Variants in GLI3 observed in about 807,000 individuals in gnomAD.
The protein encoded by GLI3 is GLI family zinc finger 3, also known as transcription activator GLI3.
In GLI3, 20 loss-of-function variants were observed where a neutral mutation model predicts 100.8. The ratio of observed to expected loss-of-function variants is 0.20; its 90% CI spans 0.14 to 0.29. The LOEUF (loss-of-function observed/expected upper bound fraction) is 0.29. Ranked by LOEUF, GLI3 falls within the 10% of genes least tolerant of loss-of-function variation. GLI3 has a pLI of 1.00. For missense variants in GLI3, 2,040 were observed against 2,128.5 expected (o/e 0.96, Z 0.82); for synonymous variants, 938 against 860.5 (o/e 1.09, Z -1.58).
chr7:41,967,550 A>AG (rs745833468), intron 14 of GLI3, 46 bp downstream of exon 14: 1 of 1,371,972 alleles, frequency 7.3e-7, no homozygotes, highest in African/African-American at 1.5e-5. Flanking sequence ...TTAAAAGAAC[A>AG]GAAAAAAAAA....
At chr7:42,037,040 C>A (rs1789461973) in intron 7 of GLI3, among the ~76,000 whole-genome samples, 1 of 152,124 alleles carries the variant, frequency 6.6e-6, no homozygotes, top group Non-Finnish European at 1.5e-5. Context: ...TATCGGGAGG[C>A]TGAGGCAGAA....
At chr7:42,135,832 C>T (rs1018739021) in intron 3 of GLI3, among the ~76,000 whole-genome samples, 4 of 152,090 alleles carry the variant, frequency 2.6e-5, no homozygotes, top group Admixed American at 2.6e-4. Context: ...TGTTGGATAC[C>T]AAGATGCCTT....
Position 41,962,073 on chromosome 7 carries a change from T to A in GLI3, c.*2257A>T, listed in dbSNP as rs886062316. The stretch of plus-strand genomic sequence containing the variant: ...AAGACAACAACAGTGGTGGGCCGGA[T>A]CACTGTGCATCCCTCCAGGAAGGAC... On this transcript the variant is annotated 3_prime_UTR_variant, in exon 15 of 15. Transcript: ENST00000395925. 4 of 151,930 alleles carry A rather than the reference T, an allele frequency of 2.6e-5. No individual in the cohort carries two copies. The East Asian group carries it at 7.7e-4, about 29-fold the overall frequency. 9.4% of individuals were successfully genotyped at this position (151,930 alleles called of 1,614,324 possible).
At chr7:42,127,862 A>T (rs1370607699) in intron 3 of GLI3, among the ~76,000 whole-genome samples, 1 of 151,980 alleles carries the variant, frequency 6.6e-6, no homozygotes, top group Non-Finnish European at 1.5e-5. Context: ...ATACAAAATT[A>T]TTAGCCAGGT....
intron 10 of GLI3, among the ~76,000 whole-genome samples, chr7:42,008,811 G>C (rs1788530172): frequency 6.6e-6 from 1 of 152,188 alleles, no homozygotes; most frequent in Non-Finnish European, 1.5e-5. Flanking sequence ...AACTATCTTT[G>C]TCTTGTAATA....
chr7:42,080,561 T>C (rs1784976275), intron 3 of GLI3, among the ~76,000 whole-genome samples: 1 of 152,176 alleles, frequency 6.6e-6, no homozygotes, highest in South Asian at 2.1e-4. Flanking sequence ...TGGTTATTAG[T>C]AGAAATCACA....
intron 3 of GLI3, among the ~76,000 whole-genome samples, chr7:42,141,021 G>T (rs971256066): frequency 2.6e-5 from 4 of 152,166 alleles, no homozygotes; most frequent in African/African-American, 9.7e-5. Flanking sequence ...TGCCAAATTA[G>T]AAAAGATAAA....
chr7:41,983,606 A>G (rs549562560), intron 10 of GLI3, among the ~76,000 whole-genome samples: 5 of 152,328 alleles, frequency 3.3e-5, no homozygotes, highest in East Asian at 3.9e-4. Context: ...AAAATAATGC[A>G]TGATTAAATT....
At chr7:42,079,774 G>A (rs1195363965) in intron 3 of GLI3, among the ~76,000 whole-genome samples, 1 of 152,160 alleles carries the variant, frequency 6.6e-6, no homozygotes, top group Admixed American at 6.5e-5. Context: ...TCTCCACCAG[G>A]TAAGTGGGTG....
At chr7:42,249,666 G>A (rs1296404969) in intron 1 of GLI3, among the ~76,000 whole-genome samples, 1 of 152,100 alleles carries the variant, frequency 6.6e-6, no homozygotes, top group East Asian at 1.9e-4. Flanking sequence ...GTCATAGAGG[G>A]CCCAGTATAG....
At chr7:42,010,048 G>T (rs1239690277) in intron 10 of GLI3, among the ~76,000 whole-genome samples, 1 of 152,120 alleles carries the variant, frequency 6.6e-6, no homozygotes, top group Non-Finnish European at 1.5e-5. Context: ...CTTCAAACTT[G>T]GTCTTTTCTT....
At position 42,064,764 on chromosome 7, in the gene GLI3, C is replaced by A. The variant is rs151051381; in HGVS notation, c.473+11988G>T. Among the ~76,000 whole-genome samples, 627 of 152,318 alleles carry A rather than the reference C, an allele frequency of 4.1e-3. 3 individuals are homozygous for A. Among genetic ancestry groups the A allele is most frequent in the Non-Finnish European group, 7.0e-3 (479 of 68,032 alleles). ...TTCTGTTTGCAGAGCCCACTCCAAG[C>A]AGGAAGTGCCTTTTCTAGCCAAAAG... On this transcript the variant is annotated intron_variant, in intron 4 of 14. Coordinates refer to ENST00000395925, the MANE Select transcript of GLI3 (RefSeq NM_000168.6).
chr7:42,246,805 CTTTTT>C (rs71006467), intron 1 of GLI3, among the ~76,000 whole-genome samples: 26 of 94,972 alleles, frequency 2.7e-4, no homozygotes, highest in African/African-American at 8.3e-4. Context: ...ATGATAGAAT[CTTTTT>C]TTTTTTTTTT....
At position 42,148,220 on chromosome 7, in the gene GLI3, A is replaced by G; in HGVS notation, c.367+6T>C. On this transcript the variant is annotated splice_donor_region_variant and intron_variant, in intron 3 of 14. Coordinates refer to ENST00000395925, the MANE Select transcript of GLI3 (RefSeq NM_000168.6). ...TGAACAAGTGCCGACTGGCATGGGC[A>G]CTTACGGTAGTGGGGCTCCATGTAA... is the stretch of plus-strand genomic sequence containing the variant. The G allele has an allele frequency of 6.2e-7, 1 of 1,607,488 alleles. No homozygotes were observed. Among genetic ancestry groups the G allele is most frequent in the Non-Finnish European group, 8.5e-7 (1 of 1,176,196 alleles).
At chr7:42,098,843 G>A (rs1785397173) in intron 3 of GLI3, among the ~76,000 whole-genome samples, 1 of 152,132 alleles carries the variant, frequency 6.6e-6, no homozygotes, top group Non-Finnish European at 1.5e-5. Flanking sequence ...GTACAGAGAG[G>A]ATAGGTCGCA....
intron 7 of GLI3, among the ~76,000 whole-genome samples, chr7:42,035,386 A>G (rs1021524934): frequency 4.6e-5 from 7 of 152,194 alleles, no homozygotes; most frequent in African/African-American, 1.7e-4. Flanking sequence ...ATGATCCACG[A>G]AACAGAAAGC....
intron 3 of GLI3, among the ~76,000 whole-genome samples, chr7:42,095,754 C>A (rs1300538113): frequency 6.6e-6 from 1 of 152,146 alleles, no homozygotes; most frequent in Admixed American, 6.5e-5. Context: ...GAGGTGACCA[C>A]CACAGCCAGG....
intron 10 of GLI3, among the ~76,000 whole-genome samples, chr7:42,010,578 A>G (rs1788586039): frequency 6.6e-6 from 1 of 152,212 alleles, no homozygotes. Context: ...TTCGCTTTCA[A>G]TGGTATCTAA....
chr7:42,250,845 A>G (rs1789023431), intron 1 of GLI3, among the ~76,000 whole-genome samples: 1 of 152,146 alleles, frequency 6.6e-6, no homozygotes, highest in African/African-American at 2.4e-5. Context: ...TATCACGGAC[A>G]TTTACCTCTG....
Sources: gnomAD v4.1 joint callset for allele counts (sites outside exome capture counted in the v4.1 genomes callset) on GRCh38, gnomAD v4.1.1 for gene constraint, MANE v1.5 for transcripts, NCBI Gene and HGNC (gene_info 2026-07-23, HGNC 2026-07-21) for gene names.